The following KCNIP4 variants were observed in gnomAD, a reference collection of about 807,000 sequenced individuals.
KCNIP4 encodes potassium voltage-gated channel interacting protein 4, also known as Kv channel-interacting protein 4.
In KCNIP4, 12 loss-of-function variants were observed where a neutral mutation model predicts 34.0. The observed-to-expected ratio is 0.35, with a 90% CI of 0.23 to 0.57. KCNIP4 has a LOEUF of 0.57. KCNIP4 is among the 20% of genes least tolerant of loss of function. The probability of loss-of-function intolerance (pLI) is 0.83; values close to 1 mark genes in which losing one functional copy is unlikely to be tolerated. For synonymous variants in KCNIP4, 124 were observed against 102.2 expected (o/e 1.21, Z -1.29); for missense variants, 238 against 311.7 (o/e 0.76, Z 1.78).
At chr4:21,641,783 G>A (rs1746635099) in intron 1 of KCNIP4, among the ~76,000 whole-genome samples, 1 of 152,132 alleles carries the variant, frequency 6.6e-6, no homozygotes. Flanking sequence ...GGACATTGTA[G>A]CAGGGACGTA....
At chr4:21,863,955 A>G (rs1725260837) in intron 1 of KCNIP4, among the ~76,000 whole-genome samples, 1 of 128,362 alleles carries the variant, frequency 7.8e-6, no homozygotes, top group Admixed American at 7.3e-5. Flanking sequence ...TTGCTTTAAC[A>G]CAAAAACAAT....
intron 1 of KCNIP4, among the ~76,000 whole-genome samples, chr4:21,670,906 T>C (rs1749447680): frequency 6.6e-6 from 1 of 152,012 alleles, no homozygotes; most frequent in Non-Finnish European, 1.5e-5. Context: ...TCCGCCCGCC[T>C]CGGCCTCCCA....
chr4:20,811,782 G>T (rs1227846521), intron 3 of KCNIP4, among the ~76,000 whole-genome samples: 1 of 152,170 alleles, frequency 6.6e-6, no homozygotes, highest in Non-Finnish European at 1.5e-5. Context: ...ATCACACATT[G>T]TACAGGTAAT....
chr4:21,064,636 T>A (rs1288964458), intron 1 of KCNIP4, among the ~76,000 whole-genome samples: 1 of 152,050 alleles, frequency 6.6e-6, no homozygotes, highest in East Asian at 1.9e-4. Flanking sequence ...TGGAAAGAAC[T>A]TATATAGAAG....
At chr4:20,849,864 T>A (rs1720816393) in intron 3 of KCNIP4, among the ~76,000 whole-genome samples, 1 of 152,232 alleles carries the variant, frequency 6.6e-6, no homozygotes, top group Admixed American at 6.5e-5. Flanking sequence ...CTTCTCTGGC[T>A]TTTGAATAAC....
intron 6 of KCNIP4, among the ~76,000 whole-genome samples, chr4:20,734,205 G>T (rs578011123): frequency 6.6e-6 from 1 of 152,108 alleles, no homozygotes; most frequent in African/African-American, 2.4e-5. Context: ...CTGCCTCAAC[G>T]TGCATTTGGA....
chr4:20,861,029 A>G (rs1322560209), intron 2 of KCNIP4, among the ~76,000 whole-genome samples: 1 of 152,100 alleles, frequency 6.6e-6, no homozygotes, highest in Non-Finnish European at 1.5e-5. Flanking sequence ...ACTGCTCACA[A>G]AGCTCAAAGA....
chr4:21,795,902 T>C (rs1346439622), intron 1 of KCNIP4, among the ~76,000 whole-genome samples: 1 of 152,114 alleles, frequency 6.6e-6, no homozygotes, highest in African/African-American at 2.4e-5. Flanking sequence ...AGACCCTGTC[T>C]CTACTAAAAA....
At chr4:21,945,435 A>G (rs2109024358) in intron 1 of KCNIP4, among the ~76,000 whole-genome samples, 1 of 152,356 alleles carries the variant, frequency 6.6e-6, no homozygotes, top group African/African-American at 2.4e-5. Context: ...TCATGGATTC[A>G]GAATAAATGG....
At chr4:21,390,273 G>A (rs1350719681) in intron 1 of KCNIP4, among the ~76,000 whole-genome samples, 2 of 152,146 alleles carry the variant, frequency 1.3e-5, no homozygotes, top group Non-Finnish European at 2.9e-5. Context: ...TCTGACGGTG[G>A]TTTCTTTTGC....
At chr4:21,942,035 G>A (rs1001293109) in intron 1 of KCNIP4, among the ~76,000 whole-genome samples, 1 of 152,108 alleles carries the variant, frequency 6.6e-6, no homozygotes, top group Non-Finnish European at 1.5e-5. Flanking sequence ...GACAGCAAAG[G>A]AGCTGAACTT....
At chr4:21,239,575 A>G (rs75853661) in intron 1 of KCNIP4, among the ~76,000 whole-genome samples, 32,832 of 152,050 alleles carry the variant, frequency 0.22, 6,034 homozygotes, top group African/African-American at 0.5. Context: ...GATATAAACA[A>G]ACACTTCTCA....
At chr4:21,592,282 T>C (rs1742279576) in intron 1 of KCNIP4, among the ~76,000 whole-genome samples, 1 of 152,130 alleles carries the variant, frequency 6.6e-6, no homozygotes, top group Non-Finnish European at 1.5e-5. Flanking sequence ...CAAGTTTCCA[T>C]CTTGGTAACT....
intron 1 of KCNIP4, among the ~76,000 whole-genome samples, chr4:21,604,140 T>G (rs950328462): frequency 1.3e-5 from 2 of 152,168 alleles, no homozygotes; most frequent in African/African-American, 2.4e-5. Context: ...AATATATTAA[T>G]TTTTGAATAA....
At chr4:20,749,614 G>A (rs749534148) in intron 5 of KCNIP4, 48 bp downstream of exon 5, 26 of 1,320,270 alleles carry the variant, frequency 2.0e-5, no homozygotes, top group Non-Finnish European at 2.4e-5. Context: ...CCCCTAAAAA[G>A]ACTAAACTCT....
chr4:21,490,800 T>G (rs951637530), intron 1 of KCNIP4, among the ~76,000 whole-genome samples: 5 of 152,152 alleles, frequency 3.3e-5, no homozygotes, highest in African/African-American at 1.2e-4. Context: ...GAGTTTCCCA[T>G]GAAGCTTTAC....
intron 1 of KCNIP4, among the ~76,000 whole-genome samples, chr4:21,341,178 G>A (rs1716729255): frequency 6.6e-6 from 1 of 152,054 alleles, no homozygotes; most frequent in Non-Finnish European, 1.5e-5. Context: ...GGGAGGGAAG[G>A]ATTTTTCCCT....
intron 1 of KCNIP4, among the ~76,000 whole-genome samples, chr4:21,486,248 T>C (rs1290599499): frequency 1.3e-5 from 2 of 152,218 alleles, no homozygotes; most frequent in African/African-American, 4.8e-5. Context: ...CAGTGAATTG[T>C]TCAGTTCTTT....
At chr4:21,102,647 T>C (rs1305116030) in intron 1 of KCNIP4, among the ~76,000 whole-genome samples, 1 of 152,242 alleles carries the variant, frequency 6.6e-6, no homozygotes, top group Admixed American at 6.5e-5. Flanking sequence ...TTCCATGTAA[T>C]TAATTCTGTC....
Sources: gnomAD v4.1 joint callset for allele counts (sites outside exome capture counted in the v4.1 genomes callset) on GRCh38, gnomAD v4.1.1 for gene constraint, MANE v1.5 for transcripts, NCBI Gene and HGNC (gene_info 2026-07-23, HGNC 2026-07-21) for gene names.